Variants in TMEM232 observed in about 807,000 individuals in gnomAD.
The protein encoded by TMEM232 is transmembrane protein 232.
A neutral mutation model predicts 78.8 loss-of-function variants in TMEM232; 80 were observed. The observed-to-expected ratio is 1.01, with a 90% confidence interval of 0.85 to 1.22. The LOEUF is 1.22. Among genes scored for constraint, TMEM232 ranks in the 50% most tolerant of loss-of-function variants. The pLI is 0.00. For missense variants in TMEM232, 881 were observed against 742.2 expected (o/e 1.19, Z -2.17); for synonymous variants, 297 against 254.3 (o/e 1.17, Z -1.60).
chr5:110,557,470 TATAACGAA>T (rs1457151368), intron 11 of TMEM232, among the ~76,000 whole-genome samples: 1 of 152,192 alleles, frequency 6.6e-6, no homozygotes, highest in Non-Finnish European at 1.5e-5. Flanking sequence ...CTCATACTGC[TATAACGAA>T]ATACCTGAGC....
intron 2 of TMEM232, among the ~76,000 whole-genome samples, chr5:110,660,171 A>G (rs1321651201): frequency 6.6e-6 from 1 of 152,110 alleles, no homozygotes; most frequent in Non-Finnish European, 1.5e-5. Context: ...TAAAATTACC[A>G]GGTTTGGGAG....
At chr5:110,682,718 C>G (rs922478699) in intron 1 of TMEM232, among the ~76,000 whole-genome samples, 1 of 152,096 alleles carries the variant, frequency 6.6e-6, no homozygotes, top group African/African-American at 2.4e-5. Context: ...GCTATGACCT[C>G]AGCTTTGAGA....
intron 1 of TMEM232, among the ~76,000 whole-genome samples, chr5:110,707,108 A>T (rs1795999288): frequency 6.6e-6 from 1 of 152,202 alleles, no homozygotes; most frequent in South Asian, 2.1e-4. Flanking sequence ...ATAGAAGCCT[A>T]CACCACTTGG....
chr5:110,730,962 C>G (rs970797712), upstream of TMEM232, among the ~76,000 whole-genome samples: 18 of 152,182 alleles, frequency 1.2e-4, no homozygotes, highest in African/African-American at 4.1e-4. Flanking sequence ...TCATCTGCAA[C>G]AAGCCAAGTC....
chr5:110,434,166 G>GA (rs538272943), intron 12 of TMEM232, among the ~76,000 whole-genome samples: 1,585 of 141,144 alleles, frequency 0.011, 28 homozygotes, highest in Admixed American at 0.039. Context: ...AAGAATAAAT[G>GA]AAAAAAAAAA....
At chr5:110,603,203 T>C (rs1580328551) in intron 10 of TMEM232, among the ~76,000 whole-genome samples, 1 of 152,048 alleles carries the variant, frequency 6.6e-6, no homozygotes, top group Non-Finnish European at 1.5e-5. Flanking sequence ...GGGGCTTAAA[T>C]TGAAGAAGAT....
chr5:110,630,078 C>T (rs2149964320), intron 5 of TMEM232, among the ~76,000 whole-genome samples: 1 of 152,086 alleles, frequency 6.6e-6, no homozygotes, highest in East Asian at 1.9e-4. Context: ...TTCCAATAGT[C>T]TTTCAGATAT....
chr5:110,697,689 A>G (rs190338408), intron 1 of TMEM232, among the ~76,000 whole-genome samples: 6 of 152,380 alleles, frequency 3.9e-5, no homozygotes, highest in Admixed American at 3.3e-4. Flanking sequence ...CAACAGACAC[A>G]TAAAAAAATG....
At chr5:110,550,850 T>A (rs1254000791) in intron 11 of TMEM232, among the ~76,000 whole-genome samples, 2 of 149,326 alleles carry the variant, frequency 1.3e-5, no homozygotes, top group Admixed American at 1.3e-4. Flanking sequence ...AAGTTGATTT[T>A]AAAAAATATA....
chr5:110,397,424 T>C (rs1755429622), intron 3 of TMEM232, among the ~76,000 whole-genome samples: 1 of 152,122 alleles, frequency 6.6e-6, no homozygotes, highest in South Asian at 2.1e-4. Context: ...AGAGAAAGCA[T>C]GTTTCTTTTC....
chr5:110,720,556 G>C (rs151784), intron 1 of TMEM232: 1 of 151,902 alleles, frequency 6.6e-6, no homozygotes, highest in Admixed American at 6.6e-5. Flanking sequence ...AAGATGGCAT[G>C]AGTCATGACT....
At chr5:110,530,185 TAC>T (rs1771227491) in intron 11 of TMEM232, among the ~76,000 whole-genome samples, 2 of 152,116 alleles carry the variant, frequency 1.3e-5, no homozygotes, top group Non-Finnish European at 2.9e-5. Flanking sequence ...AGAAAATGAG[TAC>T]AGTCTCAGGA....
At chr5:110,563,928 TTG>T (rs972582617) in intron 11 of TMEM232, among the ~76,000 whole-genome samples, 6 of 151,982 alleles carry the variant, frequency 3.9e-5, no homozygotes, top group African/African-American at 1.4e-4. Flanking sequence ...GATGAACTTC[TTG>T]TGTTTAGATA....
At chr5:110,721,020 G>A (rs1389815090) in intron 1 of TMEM232, 1 of 152,112 alleles carries the variant, frequency 6.6e-6, no homozygotes, top group Non-Finnish European at 1.5e-5. Context: ...TAAAGGTATA[G>A]TATACATTCA....
intron 2 of TMEM232, among the ~76,000 whole-genome samples, chr5:110,665,984 A>T (rs1305604155): frequency 6.6e-6 from 1 of 151,972 alleles, no homozygotes; most frequent in African/African-American, 2.4e-5. Flanking sequence ...CAGGAGGATC[A>T]TTTGAGCCCA....
chr5:110,490,596 C>T (rs1260846915), intron 12 of TMEM232, among the ~76,000 whole-genome samples: 2 of 152,064 alleles, frequency 1.3e-5, no homozygotes, highest in South Asian at 2.1e-4. Context: ...AGACTCTACA[C>T]TTCTTTAATT....
intron 11 of TMEM232, among the ~76,000 whole-genome samples, chr5:110,531,218 C>A (rs957062760): frequency 2.6e-5 from 4 of 152,136 alleles, no homozygotes; most frequent in African/African-American, 9.7e-5. Flanking sequence ...GGCCCCACCC[C>A]ATCTCCCTTC....
intron 2 of TMEM232, among the ~76,000 whole-genome samples, chr5:110,399,015 T>C (rs1580552950): frequency 6.6e-6 from 1 of 152,088 alleles, no homozygotes; most frequent in South Asian, 2.1e-4. Flanking sequence ...ATCTGTTTTT[T>C]CAGCCCTCCA....
intron 10 of TMEM232, among the ~76,000 whole-genome samples, chr5:110,573,509 T>C (rs997140048): frequency 6.6e-6 from 1 of 152,092 alleles, no homozygotes; most frequent in African/African-American, 2.4e-5. Flanking sequence ...GAGTGAATGC[T>C]AGATGCCAGC....
Sources: allele counts gnomAD v4.1 joint callset (sites outside exome capture counted in the v4.1 genomes callset), GRCh38; gene constraint gnomAD v4.1.1; transcripts MANE v1.5; gene names NCBI Gene and HGNC (gene_info 2026-07-23, HGNC 2026-07-21).